The following KLHL13 variants were observed in gnomAD, a reference collection of about 807,000 sequenced individuals.
KLHL13 encodes the protein kelch like family member 13.
A neutral mutation model predicts 37.1 loss-of-function variants in KLHL13; 10 were observed. The observed-to-expected ratio is 0.27, with a 90% confidence interval of 0.17 to 0.46. KLHL13 has a LOEUF of 0.46. Among genes scored for constraint, KLHL13 ranks in the 20% least tolerant of loss-of-function variants. KLHL13 has a pLI of 1.00. For synonymous variants in KLHL13, 163 were observed against 181.2 expected, an observed-to-expected ratio of 0.90 and a Z score of 0.81; for missense variants, 360 against 509.3, an observed-to-expected ratio of 0.71 and a Z score of 2.82.
At chrX:118,054,706 ACAAT>A (rs899207892) in intron 1 of KLHL13, among the ~76,000 whole-genome samples, 1 of 112,026 alleles carries the variant, frequency 8.9e-6, no homozygotes, top group East Asian at 2.8e-4. Flanking sequence ...TTTATACATC[ACAAT>A]CAGTCTTAGA....
intron 1 of KLHL13, among the ~76,000 whole-genome samples, chrX:118,008,196 G>A (rs772892335): frequency 1.8e-5 from 2 of 111,442 alleles, no homozygotes; most frequent in Non-Finnish European, 3.8e-5. Flanking sequence ...TCTTTCTAAC[G>A]CTCACCTTGT....
At chrX:117,954,603 A>T in intron 1 of KLHL13, among the ~76,000 whole-genome samples, 1 of 112,829 alleles carries the variant, frequency 8.9e-6, no homozygotes, top group East Asian at 2.8e-4. Flanking sequence ...AGTGAATTCA[A>T]ATCTTCCTTG....
At chrX:118,032,923 C>T (rs1175694376) in intron 1 of KLHL13, among the ~76,000 whole-genome samples, 1 of 111,556 alleles carries the variant, frequency 9.0e-6, no homozygotes, top group African/African-American at 3.3e-5. Context: ...AAAACCAAGG[C>T]TTGAGAACTA....
At chrX:118,066,762 T>A (rs763005957) in intron 1 of KLHL13, among the ~76,000 whole-genome samples, 1 of 111,542 alleles carries the variant, frequency 9.0e-6, no homozygotes, top group South Asian at 3.8e-4. Flanking sequence ...ACATCCAGAA[T>A]CAATAAAAAA....
Position 118,103,849 on chromosome X carries a change from T to C in KLHL13, c.-56+12659A>G, listed in dbSNP as rs757971232. Among the ~76,000 whole-genome samples, 4 of 107,994 alleles carry C rather than the reference T, an allele frequency of 3.7e-5. No individual in the cohort carries two copies. In the East Asian group the frequency reaches 1.1e-3, roughly 31 times the overall value. 93.8% of individuals were successfully genotyped at this position (107,994 alleles called of 115,157 possible). ...GAACCCTAAATAGCTGAAAAGTCAGTGGCCGAATTTTTTTTAATTCCAGTT... is the reference window on the plus strand; with the variant it reads ...GAACCCTAAATAGCTGAAAAGTCAGCGGCCGAATTTTTTTTAATTCCAGTT... On this transcript the variant is annotated intron_variant, in intron 1 of 6. Coordinates refer to the KLHL13 transcript ENST00000371882.
At chrX:118,013,221 A>G (rs771418515) in intron 1 of KLHL13, among the ~76,000 whole-genome samples, 4 of 111,878 alleles carry the variant, frequency 3.6e-5, no homozygotes, top group African/African-American at 1.3e-4. Context: ...TCTTATGGAG[A>G]GAATTAAATT....
intron 1 of KLHL13, among the ~76,000 whole-genome samples, chrX:117,959,307 T>TA (rs2053252443): frequency 8.9e-6 from 1 of 112,044 alleles, no homozygotes; most frequent in South Asian, 3.7e-4. Flanking sequence ...TTGGTGATGC[T>TA]AAGGGGTTAT....
chrX:118,032,074 C>A (rs1012624058), intron 1 of KLHL13, among the ~76,000 whole-genome samples: 19 of 111,601 alleles, frequency 1.7e-4, no homozygotes, highest in African/African-American at 2.9e-4. Context: ...TATCCAGCAC[C>A]TGGCTCAGAG....
At chrX:118,025,153 T>C (rs2054260834) in intron 1 of KLHL13, among the ~76,000 whole-genome samples, 2 of 111,617 alleles carry the variant, frequency 1.8e-5, no homozygotes, top group South Asian at 7.5e-4. Context: ...GATTCCCCTA[T>C]TTTCTGTATC....
At chrX:118,098,884 A>G (rs2055246919) in intron 1 of KLHL13, among the ~76,000 whole-genome samples, 1 of 92,800 alleles carries the variant, frequency 1.1e-5, no homozygotes, top group Admixed American at 1.2e-4. Context: ...ATGAGAACAC[A>G]TGGACACAGG....
intron 1 of KLHL13, among the ~76,000 whole-genome samples, chrX:117,979,514 G>A (rs994022745): frequency 1.3e-4 from 14 of 111,299 alleles, no homozygotes; most frequent in Admixed American, 7.7e-4. Flanking sequence ...TTCCTGGCCC[G>A]TTGGAAAGCA....
chrX:117,951,505 TGTTA>T (rs1404853582), intron 1 of KLHL13, among the ~76,000 whole-genome samples: 1 of 111,534 alleles, frequency 9.0e-6, no homozygotes, highest in African/African-American at 3.3e-5. Flanking sequence ...ATAAAGCTTT[TGTTA>T]GTTATTTGTA....
chrX:117,986,422 A>C (rs1216012970), intron 1 of KLHL13, among the ~76,000 whole-genome samples: 1 of 111,848 alleles, frequency 8.9e-6, no homozygotes, highest in Non-Finnish European at 1.9e-5. Context: ...CAGAAACCAC[A>C]TCACAGAAGA....
intron 2 of KLHL13, among the ~76,000 whole-genome samples, chrX:117,942,449 T>C (rs2147791507): frequency 9.0e-6 from 1 of 111,230 alleles, no homozygotes; most frequent in Non-Finnish European, 1.9e-5. Context: ...CCCACTCTTA[T>C]TGTGTGGGAG....
intron 1 of KLHL13, among the ~76,000 whole-genome samples, chrX:118,086,297 T>C (rs142949872): frequency 0.018 from 1,991 of 111,456 alleles, 40 homozygotes; most frequent in African/African-American, 0.06. Flanking sequence ...GTGGGACTGA[T>C]AGACTGAATG....
At chrX:117,938,593 C>A (rs1409446256) in intron 2 of KLHL13, among the ~76,000 whole-genome samples, 1 of 111,528 alleles carries the variant, frequency 9.0e-6, no homozygotes, top group Non-Finnish European at 1.9e-5. Context: ...TCTCTCACTG[C>A]ACTACAGTGG....
intron 1 of KLHL13, among the ~76,000 whole-genome samples, chrX:118,096,663 G>A (rs1455112964): frequency 4.5e-5 from 5 of 111,519 alleles, no homozygotes; most frequent in African/African-American, 9.8e-5. Flanking sequence ...GATGAACATC[G>A]ATGCAAAAAT....
rs188395638 is a variant in KLHL13, at chrX:118,011,301, G to A, written c.-55-65726C>T. 7.9e-3 allele frequency among the ~76,000 whole-genome samples: 867 copies of A among 109,360 alleles called. 7 individuals are homozygous for A. The highest frequency in any genetic ancestry group is 0.014 in the Non-Finnish European group (725 of 52,751). The allele number at this position is 109,360 out of a possible 115,157, so 95.0% of individuals were successfully genotyped here. On this transcript the variant is annotated intron_variant, in intron 1 of 6. Transcript: ENST00000371882. The stretch of plus-strand genomic sequence containing the variant: ...AGGCTGCAATGCATGCTCTGTGCAG[G>A]AGAAAAGCCTGGTGAGGTAGACAGG...
At chrX:117,911,916 C>T (rs1447168155) in intron 4 of KLHL13, among the ~76,000 whole-genome samples, 1 of 111,848 alleles carries the variant, frequency 8.9e-6, no homozygotes, top group Non-Finnish European at 1.9e-5. Flanking sequence ...TAACACATAA[C>T]TGTAACATAA....
Sources: gnomAD v4.1 joint callset for allele counts (sites outside exome capture counted in the v4.1 genomes callset) on GRCh38, gnomAD v4.1.1 for gene constraint, MANE v1.5 for transcripts, NCBI Gene and HGNC (gene_info 2026-07-23, HGNC 2026-07-21) for gene names.